TRMO: variants seen among roughly 807,000 people sequenced by gnomAD.
TRMO encodes tRNA (adenine(37)-N6)-methyltransferase.
Under a neutral mutation model 37.2 loss-of-function variants are expected in TRMO, and 30 were observed. The ratio of observed to expected loss-of-function variants is 0.81; its 90% confidence interval spans 0.60 to 1.09. The LOEUF (loss-of-function observed/expected upper bound fraction) is 1.09. TRMO is among the 50% of genes least tolerant of loss of function. The pLI is 0.00. For missense variants in TRMO, 552 were observed against 549.5 expected (o/e 1.00, Z -0.05); for synonymous variants, 239 against 199.4 (o/e 1.20, Z -1.67).
chr9:97,898,108 G>A, the TRMO span, among the ~76,000 whole-genome samples: 2 of 152,092 alleles, frequency 1.3e-5, no homozygotes, highest in Non-Finnish European at 2.9e-5. Flanking sequence ...TATGCCAAGT[G>A]CCCCCCTCCA....
chr9:97,912,410 T>C (rs1205590471), intron 3 of TRMO: 1 of 155,034 alleles, frequency 6.5e-6, no homozygotes, highest in Non-Finnish European at 1.4e-5. Flanking sequence ...TGTCCCTGAA[T>C]AATCATAAAA....
At position 97,904,539 on chromosome 9, in the gene TRMO, C is replaced by A; in HGVS notation, c.*194G>T. 7.2e-7 allele frequency: 1 copy of A among 1,392,720 alleles called. No homozygotes were observed. The allele number at this position is 1,392,720 out of a possible 1,614,324, so 86.3% of individuals were successfully genotyped here. The stretch of plus-strand genomic sequence containing the variant: ...CAGATCAAAAAGCATTTGGTGATTT[C>A]TCTGTATTTTATATCTCTTTGTTAA... On this transcript the variant is annotated 3_prime_UTR_variant, in exon 5 of 5. Coordinates refer to ENST00000375119, the MANE Select transcript of TRMO (RefSeq NM_016481.5).
At chr9:97,914,612 A>G (rs1826268745) in intron 2 of TRMO, among the ~76,000 whole-genome samples, 1 of 152,182 alleles carries the variant, frequency 6.6e-6, no homozygotes, top group Admixed American at 6.5e-5. Context: ...ACAACAACAT[A>G]GCCCTCCATT....
At chr9:97,916,138 C>A in intron 2 of TRMO, 26 bp downstream of exon 2, 1 of 1,553,172 alleles carries the variant, frequency 6.4e-7, no homozygotes, top group Non-Finnish European at 8.7e-7. Flanking sequence ...GCCCAAAATC[C>A]TACATCTAAC....
intron 3 of TRMO, chr9:97,910,856 C>A (rs962459933): frequency 3.4e-6 from 2 of 592,324 alleles, no homozygotes; most frequent in East Asian, 3.0e-5. Flanking sequence ...CAAAGCCTTT[C>A]TGGCTCCTCC....
In TRMO at chr9:97,916,186, G is replaced by A. The variant is rs567966092; in HGVS notation, c.229C>T (p.Leu77=). Residue 77 remains leucine, a synonymous_variant, in exon 2 of 5, where the codon CTA becomes TTA. Coordinates refer to ENST00000375119, the MANE Select transcript of TRMO (RefSeq NM_016481.5). ...TACCAAACATGAGAAAACTGTTCTA[G>A]GCCCATCAAGGAATGTTCAGGATTA... ...FNNPEHSLMG[L]EQFSHVWILF... The A allele has an allele frequency of 1.2e-6, 2 of 1,610,420 alleles. No homozygotes were observed. The highest frequency in any genetic ancestry group is 2.2e-5 in the South Asian group (2 of 90,174).
intron 4 of TRMO, among the ~76,000 whole-genome samples, chr9:97,907,688 T>C (rs921595967): frequency 6.6e-6 from 1 of 152,150 alleles, no homozygotes; most frequent in African/African-American, 2.4e-5. Flanking sequence ...CAAGTTCCTC[T>C]GCCTTTTACT....
downstream of TRMO, among the ~76,000 whole-genome samples, chr9:97,904,025 T>C (rs1006806481): frequency 6.6e-6 from 1 of 152,120 alleles, no homozygotes; most frequent in Admixed American, 6.5e-5. Context: ...GAGATTGCAG[T>C]GAGCCGAGAT....
chr9:97,920,357 A>C (rs1826569318), intron 1 of TRMO, among the ~76,000 whole-genome samples: 1 of 152,230 alleles, frequency 6.6e-6, no homozygotes, highest in African/African-American at 2.4e-5. Flanking sequence ...TCCTCAAAGG[A>C]GCATGAGAGA....
chr9:97,921,768 T>A (rs975533470), intron 1 of TRMO, among the ~76,000 whole-genome samples: 15 of 152,160 alleles, frequency 9.9e-5, no homozygotes, highest in African/African-American at 1.4e-4. Context: ...AGATTTTTTT[T>A]TAAATTATTT....
At chr9:97,897,736 G>A in the TRMO span, among the ~76,000 whole-genome samples, 424 of 152,298 alleles carry the variant, frequency 2.8e-3, 7 homozygotes, top group East Asian at 0.064. Context: ...ATTTAAAAAT[G>A]TTTTTTATAT....
intron 4 of TRMO, 72 bp downstream of exon 4, chr9:97,909,888 A>G: frequency 8.2e-7 from 1 of 1,212,854 alleles, no homozygotes; most frequent in Non-Finnish European, 1.2e-6. Context: ...ACCTGCCTTC[A>G]CAAATACCAA....
intron 1 of TRMO, among the ~76,000 whole-genome samples, chr9:97,920,217 C>A (rs185079682): frequency 6.6e-6 from 1 of 152,294 alleles, no homozygotes. Context: ...TCAAGGGTTT[C>A]CAGTACATTG....
intron 2 of TRMO, 72 bp from the exon 3 acceptor site, chr9:97,913,630 T>TG (rs1434304340): frequency 9.5e-7 from 1 of 1,049,844 alleles, no homozygotes; most frequent in Non-Finnish European, 1.4e-6. Flanking sequence ...AATGATCTGA[T>TG]GGGGAAAAAA....
the TRMO span, among the ~76,000 whole-genome samples, chr9:97,897,808 C>A: frequency 6.6e-6 from 1 of 152,110 alleles, no homozygotes. Context: ...AAGCTATCTA[C>A]GAGGCAGAAG....
At chr9:97,919,644 C>A (rs1826534798) in intron 1 of TRMO, among the ~76,000 whole-genome samples, 1 of 152,122 alleles carries the variant, frequency 6.6e-6, no homozygotes, top group Non-Finnish European at 1.5e-5. Context: ...AGACTTCTGC[C>A]CTTGACTCTT....
chr9:97,904,261 T>G (rs9299258), downstream of TRMO, among the ~76,000 whole-genome samples: 110,292 of 152,068 alleles, frequency 0.73, 41,385 homozygotes, highest in East Asian at 0.92. Context: ...CTGAAACACA[T>G]AAGTTTAATC....
chr9:97,915,500 G>C (rs140747635), intron 2 of TRMO, among the ~76,000 whole-genome samples: 537 of 152,312 alleles, frequency 3.5e-3, no homozygotes, highest in African/African-American at 0.012. Flanking sequence ...CCCTGGTCTA[G>C]AGGGTAGAAT....
At position 97,910,007 on chromosome 9, in the gene TRMO, C is replaced by A; in HGVS notation, c.1019G>T (p.Arg340Leu). The A allele has an allele frequency of 6.3e-7, 1 of 1,588,304 alleles. No homozygotes were observed. Among genetic ancestry groups the A allele is most frequent in the Non-Finnish European group, 8.6e-7 (1 of 1,166,402 alleles). ...TEAPVATLEV[R>L]FTPHAEMDLG... Reference sequence around the variant, plus strand: ...GTCCATCTCGGCATGAGGAGTAAACCGCACTTCTAAAGTGGCCACAGGAGC... The same window carrying A: ...GTCCATCTCGGCATGAGGAGTAAACAGCACTTCTAAAGTGGCCACAGGAGC... Residue 340 changes from arginine to leucine, a missense_variant, in exon 4 of 5, where the codon CGG (arginine) becomes CTG (leucine). By Grantham distance (102) the Arg-to-Leu change is moderately radical. Coordinates refer to ENST00000375119, the MANE Select transcript of TRMO (RefSeq NM_016481.5).
Sources: gnomAD v4.1 joint callset for allele counts (sites outside exome capture counted in the v4.1 genomes callset) on GRCh38, gnomAD v4.1.1 for gene constraint, MANE v1.5 for transcripts, NCBI Gene and HGNC (gene_info 2026-07-23, HGNC 2026-07-21) for gene names.